The following ZMAT4 variants were observed in gnomAD, a reference collection of about 807,000 sequenced individuals.
The protein encoded by ZMAT4 is zinc finger matrin-type 4.
Under a neutral mutation model 28.7 loss-of-function variants are expected in ZMAT4, and 17 were observed. That is an observed-to-expected ratio of 0.59 (90% CI 0.41 to 0.89). The LOEUF (loss-of-function observed/expected upper bound fraction) is 0.89. Among genes scored for constraint, ZMAT4 ranks in the 40% least tolerant of loss-of-function variants. The probability of loss-of-function intolerance (pLI) is 0.00; values close to 1 mark genes in which losing one functional copy is unlikely to be tolerated. For missense variants in ZMAT4, 240 were observed against 283.8 expected, an observed-to-expected ratio of 0.85 and a Z score of 1.11; for synonymous variants, 117 against 109.2, an observed-to-expected ratio of 1.07 and a Z score of -0.44.
intron 6 of ZMAT4, among the ~76,000 whole-genome samples, chr8:40,548,230 T>C (rs2118409432): frequency 6.6e-6 from 1 of 152,212 alleles, no homozygotes; most frequent in African/African-American, 2.4e-5. Flanking sequence ...AACCATTTGT[T>C]TATTTTGAAC....
chr8:40,706,611 A>T (rs151320524), intron 3 of ZMAT4, among the ~76,000 whole-genome samples: 390 of 152,282 alleles, frequency 2.6e-3, no homozygotes, highest in African/African-American at 9.0e-3. Context: ...TACTACCCCA[A>T]AATAAATTCC....
At chr8:40,678,719 G>A (rs1484115972) in intron 4 of ZMAT4, among the ~76,000 whole-genome samples, 2 of 152,072 alleles carry the variant, frequency 1.3e-5, no homozygotes, top group Non-Finnish European at 2.9e-5. Context: ...CTTTTGCATT[G>A]GCTCTCTTCT....
intron 5 of ZMAT4, among the ~76,000 whole-genome samples, chr8:40,626,645 G>A (rs1220641888): frequency 6.6e-6 from 1 of 152,166 alleles, no homozygotes; most frequent in Non-Finnish European, 1.5e-5. Context: ...TCCCCCTGTA[G>A]CCATAACATT....
At chr8:40,609,616 T>C (rs2118650007) in intron 5 of ZMAT4, among the ~76,000 whole-genome samples, 1 of 152,342 alleles carries the variant, frequency 6.6e-6, no homozygotes, top group African/African-American at 2.4e-5. Context: ...TCATTTGAAC[T>C]TAGCCAAAGC....
At chr8:40,716,776 CTG>C (rs1810875133) in intron 3 of ZMAT4, among the ~76,000 whole-genome samples, 2 of 152,208 alleles carry the variant, frequency 1.3e-5, no homozygotes, top group Admixed American at 1.3e-4. Context: ...CATTACTACT[CTG>C]TGCTCCACGG....
chr8:40,743,557 C>T (rs1295486848), intron 3 of ZMAT4, among the ~76,000 whole-genome samples: 1 of 152,228 alleles, frequency 6.6e-6, no homozygotes, highest in African/African-American at 2.4e-5. Flanking sequence ...TGAGTGCCTA[C>T]AACGCACAAG....
At chr8:40,597,208 T>C (rs968570216) in intron 5 of ZMAT4, among the ~76,000 whole-genome samples, 1 of 152,210 alleles carries the variant, frequency 6.6e-6, no homozygotes, top group Non-Finnish European at 1.5e-5. Context: ...ATTTAGTGCA[T>C]GTATACACTC....
At chr8:40,695,666 T>C (rs1053593791) in intron 4 of ZMAT4, among the ~76,000 whole-genome samples, 17 of 152,222 alleles carry the variant, frequency 1.1e-4, no homozygotes, top group African/African-American at 3.9e-4. Context: ...TCGAGTTCTA[T>C]TTCCCAGATC....
At chr8:40,660,365 A>G (rs572401702) in intron 5 of ZMAT4, among the ~76,000 whole-genome samples, 1 of 152,244 alleles carries the variant, frequency 6.6e-6, no homozygotes, top group Non-Finnish European at 1.5e-5. Flanking sequence ...TATGCAAATC[A>G]TCTGAAGATC....
At position 40,581,144 on chromosome 8, in the gene ZMAT4, T is replaced by A. The variant is rs562860941; in HGVS notation, c.674+21A>T. The A allele has an allele frequency of 1.1e-5, 17 of 1,600,804 alleles. No homozygotes were observed. In the South Asian group the frequency reaches 1.7e-4, roughly 16 times the overall value. ...AAATTACATCGAAGAAACTGAAGAG[T>A]GAAAGCACAAAAGTACCTACTTGGT... On this transcript the variant is annotated intron_variant, in intron 6 of 6. Transcript: ENST00000297737.
At chr8:40,600,921 G>T (rs1039664664) in intron 5 of ZMAT4, among the ~76,000 whole-genome samples, 1 of 152,112 alleles carries the variant, frequency 6.6e-6, no homozygotes, top group Non-Finnish European at 1.5e-5. Flanking sequence ...AGCCCAATGG[G>T]TTAGGAAAAA....
Position 40,882,426 on chromosome 8 carries a change from T to C in ZMAT4, c.-5+15257A>G, listed in dbSNP as rs189090914. Reference sequence around the variant, plus strand: ...TTTCTTCCAAAGAACGCAAAAACCCTGGCCGGCAATATTTGGAAGGAAGTG... The same window carrying C: ...TTTCTTCCAAAGAACGCAAAAACCCCGGCCGGCAATATTTGGAAGGAAGTG... On this transcript the variant is annotated intron_variant, in intron 1 of 6. Coordinates refer to ENST00000297737, the MANE Select transcript of ZMAT4 (RefSeq NM_024645.3). 1.1e-4 allele frequency among the ~76,000 whole-genome samples: 16 copies of C among 152,292 alleles called. No homozygotes were observed. The East Asian group carries it at 2.5e-3, about 24-fold the overall frequency.
At position 40,674,747 on chromosome 8, in the gene ZMAT4, C is replaced by A; in HGVS notation, c.534G>T (p.Leu178Phe). 1 of 1,613,980 alleles carries A rather than the reference C, an allele frequency of 6.2e-7. No individual in the cohort carries two copies. The highest frequency in any genetic ancestry group is 8.5e-7 in the Non-Finnish European group (1 of 1,179,910). The change falls in exon 5 of 7, where the codon TTG (leucine) becomes TTT (phenylalanine). Residue 178 changes from leucine (L) to phenylalanine (F), a missense_variant. Transcript: ENST00000297737. The part of the protein sequence containing the change: ...KHKKNAARVA[L>F]LEQLGTTLDM... Reference sequence around the variant, plus strand: ...CCAGGGTTGTCCCCAGTTGTTCTAACAAAGCAACTCTTGCCGCATTCTTTT... The same window carrying A: ...CCAGGGTTGTCCCCAGTTGTTCTAAAAAAGCAACTCTTGCCGCATTCTTTT...
At chr8:40,780,566 A>G (rs956968334) in intron 2 of ZMAT4, among the ~76,000 whole-genome samples, 2 of 152,244 alleles carry the variant, frequency 1.3e-5, no homozygotes, top group African/African-American at 4.8e-5. Flanking sequence ...TGAAACAAAA[A>G]TATTGGAATA....
chr8:40,621,772 G>A (rs976236696), intron 5 of ZMAT4, among the ~76,000 whole-genome samples: 7 of 152,142 alleles, frequency 4.6e-5, no homozygotes, highest in Non-Finnish European at 8.8e-5. Context: ...TGAATGACTT[G>A]GACCAGATCT....
intron 1 of ZMAT4, among the ~76,000 whole-genome samples, chr8:40,826,296 G>A (rs915998471): frequency 8.6e-5 from 13 of 151,982 alleles, no homozygotes; most frequent in African/African-American, 3.1e-4. Context: ...GGGAACATTA[G>A]GAAAAGGTTT....
Position 40,532,169 on chromosome 8 carries a change from T to C in ZMAT4, c.*54A>G. Reference sequence around the variant, plus strand: ...TCCTCTGGTGGTTGATAAGCAATTCTCCACGGCAGAGAAATGCTAATGTTT... The same window carrying C: ...TCCTCTGGTGGTTGATAAGCAATTCCCCACGGCAGAGAAATGCTAATGTTT... On this transcript the variant is annotated 3_prime_UTR_variant, in exon 7 of 7. Transcript: ENST00000297737. The C allele has an allele frequency of 1.3e-6, 2 of 1,532,096 alleles. No individual in the cohort carries two copies. Among genetic ancestry groups the C allele is most frequent in the Non-Finnish European group, 1.8e-6 (2 of 1,136,114 alleles). The allele number at this position is 1,532,096 out of a possible 1,614,324, so 94.9% of individuals were successfully genotyped here. A position where few individuals can be genotyped will look rare whatever the true frequency, so the allele number is the denominator to read the frequency against.
chr8:40,552,245 T>C lies in ZMAT4; in HGVS notation c.675-20007A>G, dbSNP rs192054489. On this transcript the variant is annotated intron_variant, in intron 6 of 6. Coordinates refer to ENST00000297737, the MANE Select transcript of ZMAT4 (RefSeq NM_024645.3). ...TGCAGGTTTTGAGAAATGTACCCAA[T>C]GTACACCCTTTAGGTCATCTTGCCA... is the stretch of plus-strand genomic sequence containing the variant. Among the ~76,000 whole-genome samples, 88 of 152,292 alleles carry C rather than the reference T, an allele frequency of 5.8e-4. 1 individual carries two copies. The highest frequency in any genetic ancestry group is 3.4e-3 in the Middle Eastern group (1 of 292).
intron 2 of ZMAT4, among the ~76,000 whole-genome samples, chr8:40,796,975 C>T (rs909847284): frequency 6.6e-6 from 1 of 152,212 alleles, no homozygotes; most frequent in Non-Finnish European, 1.5e-5. Flanking sequence ...TGATCTTCAC[C>T]TCCAGGGGCC....
Sources: allele counts gnomAD v4.1 joint callset (sites outside exome capture counted in the v4.1 genomes callset), GRCh38; gene constraint gnomAD v4.1.1; transcripts MANE v1.5; gene names NCBI Gene and HGNC (gene_info 2026-07-23, HGNC 2026-07-21).